Variants in KLHL1 observed in about 807,000 individuals in gnomAD.
KLHL1 encodes kelch like family member 1.
A neutral mutation model predicts 77.7 loss-of-function variants in KLHL1; 47 were observed. That is an observed-to-expected ratio of 0.60 (90% confidence interval 0.48 to 0.77). The LOEUF is 0.77. KLHL1 is among the 30% of genes least tolerant of loss of function. KLHL1 has a pLI of 0.00. For synonymous variants in KLHL1, 360 were observed against 325.2 expected (o/e 1.11, Z -1.15); for missense variants, 925 against 910.8 (o/e 1.02, Z -0.20).
chr13:70,077,540 T>C (rs1382988054), intron 1 of KLHL1, among the ~76,000 whole-genome samples: 1 of 151,402 alleles, frequency 6.6e-6, no homozygotes, highest in Non-Finnish European at 1.5e-5. Flanking sequence ...ATTATGCATT[T>C]GTGAAAATAC....
chr13:70,036,657 T>C (rs1380522423), intron 1 of KLHL1, among the ~76,000 whole-genome samples: 6 of 151,956 alleles, frequency 3.9e-5, no homozygotes, highest in Admixed American at 1.3e-4. Context: ...TTGATGTATG[T>C]GTAGCAGTAG....
At chr13:69,829,980 A>C in intron 6 of KLHL1, among the ~76,000 whole-genome samples, 1 of 150,108 alleles carries the variant, frequency 6.7e-6, no homozygotes, top group Non-Finnish European at 1.5e-5. Context: ...ACCTCAAAAT[A>C]CACCAAAATA....
chr13:69,810,514 C>T (rs1877826423), intron 6 of KLHL1, among the ~76,000 whole-genome samples: 1 of 151,888 alleles, frequency 6.6e-6, no homozygotes, highest in Non-Finnish European at 1.5e-5. Context: ...CATTCCACAA[C>T]CTCTGAGGTG....
rs776380184 is a variant in KLHL1, at chr13:69,913,277, A to G, written c.1014+26763T>C. ...CCACAGCATTTCTCCAGCAAGCCCA[A>G]GTTTGGCTTCCCAGGAGGCAGGGAG... is the stretch of plus-strand genomic sequence containing the variant. On this transcript the variant is annotated intron_variant, in intron 4 of 10. Coordinates refer to ENST00000377844, the MANE Select transcript of KLHL1 (RefSeq NM_020866.3). Among the ~76,000 whole-genome samples, 72 of 152,198 alleles carry G rather than the reference A, an allele frequency of 4.7e-4. 1 individual carries two copies. The highest frequency in any genetic ancestry group is 7.6e-4 in the Non-Finnish European group (52 of 68,024).
At position 69,961,475 on chromosome 13, in the gene KLHL1, G is replaced by A. The variant is rs372189817; in HGVS notation, c.681-31C>T. 5.5e-5 allele frequency: 89 copies of A among 1,610,538 alleles called. No homozygotes were observed. In the South Asian group the frequency reaches 5.9e-4, roughly 11 times the overall value. On this transcript the variant is annotated intron_variant, in intron 2 of 10. Coordinates refer to ENST00000377844, the MANE Select transcript of KLHL1 (RefSeq NM_020866.3). ...AGAGTCACAGGTTCTAATTTAGGTCGTGAATGTAAGGCAGAAAATCACTGT... is the reference window on the plus strand; with the variant it reads ...AGAGTCACAGGTTCTAATTTAGGTCATGAATGTAAGGCAGAAAATCACTGT...
chr13:69,768,592 T>G (rs1461904866), intron 7 of KLHL1, among the ~76,000 whole-genome samples: 1 of 152,254 alleles, frequency 6.6e-6, no homozygotes, highest in East Asian at 1.9e-4. Flanking sequence ...TTGAGAAAAT[T>G]TTCTCTATGA....
At chr13:69,891,292 T>G (rs951623501) in intron 4 of KLHL1, among the ~76,000 whole-genome samples, 2 of 152,086 alleles carry the variant, frequency 1.3e-5, no homozygotes, top group Non-Finnish European at 2.9e-5. Context: ...AGTAACTATA[T>G]TTTTACAAAA....
chr13:69,945,017 A>C (rs1883476828), intron 3 of KLHL1, among the ~76,000 whole-genome samples: 1 of 114,880 alleles, frequency 8.7e-6, no homozygotes, highest in South Asian at 2.6e-4. Flanking sequence ...ATGGAGTCTC[A>C]CTTTGTCGCC....
chr13:70,012,433 G>T (rs181820568), intron 1 of KLHL1, among the ~76,000 whole-genome samples: 27 of 151,708 alleles, frequency 1.8e-4, no homozygotes, highest in African/African-American at 6.5e-4. Flanking sequence ...TAACTTATTT[G>T]TTCCCAAGGT....
intron 5 of KLHL1, among the ~76,000 whole-genome samples, chr13:69,844,862 G>C (rs975994536): frequency 3.3e-5 from 5 of 151,334 alleles, no homozygotes; most frequent in African/African-American, 1.2e-4. Flanking sequence ...AGAAATTTCT[G>C]TTTTCTTAGC....
intron 5 of KLHL1, among the ~76,000 whole-genome samples, chr13:69,867,838 A>T (rs1035051288): frequency 1.7e-5 from 2 of 117,996 alleles, no homozygotes; most frequent in Non-Finnish European, 3.3e-5. Context: ...AACATCACAC[A>T]CTGGGGCCTG....
At chr13:69,897,696 T>C (rs1013399644) in intron 4 of KLHL1, among the ~76,000 whole-genome samples, 1 of 152,116 alleles carries the variant, frequency 6.6e-6, no homozygotes, top group Non-Finnish European at 1.5e-5. Context: ...CCATCCTCAG[T>C]TGATGACTAT....
At chr13:69,807,278 C>A (rs943464923) in intron 6 of KLHL1, among the ~76,000 whole-genome samples, 1 of 151,998 alleles carries the variant, frequency 6.6e-6, no homozygotes, top group African/African-American at 2.4e-5. Flanking sequence ...GCTCAAGATA[C>A]TATTTTGAGA....
chr13:69,966,201 A>C (rs1045110742), intron 2 of KLHL1, among the ~76,000 whole-genome samples: 3 of 152,210 alleles, frequency 2.0e-5, no homozygotes, highest in African/African-American at 7.2e-5. Flanking sequence ...ATAGTTAGAG[A>C]GAAGTCAATG....
Position 69,966,383 on chromosome 13 carries a change from G to A in KLHL1, c.681-4939C>T, listed in dbSNP as rs73512660. 6.6e-3 allele frequency among the ~76,000 whole-genome samples: 1,007 copies of A among 152,164 alleles called. 12 individuals carry two copies. The highest frequency in any genetic ancestry group is 0.023 in the African/African-American group (974 of 41,542). On this transcript the variant is annotated intron_variant, in intron 2 of 10. Coordinates refer to ENST00000377844, the MANE Select transcript of KLHL1 (RefSeq NM_020866.3). Reference sequence around the variant, plus strand: ...AGGAATGGAACTATAAAGCCTGGACGACAGCACATCGTTTGCAGAATGGCT... The same window carrying A: ...AGGAATGGAACTATAAAGCCTGGACAACAGCACATCGTTTGCAGAATGGCT...
At position 70,061,732 on chromosome 13, in the gene KLHL1, T is replaced by C. The variant is rs1348175; in HGVS notation, c.497+45471A>G. Among the ~76,000 whole-genome samples, 825 of 152,292 alleles carry C rather than the reference T, an allele frequency of 5.4e-3. 8 individuals are homozygous for C. The highest frequency in any genetic ancestry group is 0.018 in the African/African-American group (767 of 41,566). ...TCTCTCCACTCCAGGTTCTTGCATT[T>C]TCAAATTCCTTGCTATCACAGTTTC... is the stretch of plus-strand genomic sequence containing the variant. On this transcript the variant is annotated intron_variant, in intron 1 of 10. Transcript: ENST00000377844.
intron 6 of KLHL1, among the ~76,000 whole-genome samples, chr13:69,802,552 T>C (rs1279616280): frequency 6.6e-6 from 1 of 152,026 alleles, no homozygotes; most frequent in Admixed American, 6.6e-5. Flanking sequence ...CTGGGACTGG[T>C]AGTTAAAGAT....
chr13:69,705,145 A>G (rs1000402724), intron 10 of KLHL1, among the ~76,000 whole-genome samples: 1 of 151,742 alleles, frequency 6.6e-6, no homozygotes, highest in African/African-American at 2.4e-5. Flanking sequence ...ATAATACATT[A>G]TTAAAGGGCA....
chr13:69,784,823 C>T (rs1876425402), intron 7 of KLHL1, among the ~76,000 whole-genome samples: 1 of 150,684 alleles, frequency 6.6e-6, no homozygotes, highest in Non-Finnish European at 1.5e-5. Context: ...CTCAGCTCTG[C>T]ACCAAGCGGA....
Sources: allele counts gnomAD v4.1 joint callset (sites outside exome capture counted in the v4.1 genomes callset), GRCh38; gene constraint gnomAD v4.1.1; transcripts MANE v1.5; gene names NCBI Gene and HGNC (gene_info 2026-07-23, HGNC 2026-07-21).